PIP4K2A: variants seen among roughly 807,000 people sequenced by gnomAD.
PIP4K2A encodes phosphatidylinositol-5-phosphate 4-kinase type 2 alpha.
Under a neutral mutation model 42.9 loss-of-function variants are expected in PIP4K2A, and 14 were observed. That is an observed-to-expected ratio of 0.33 (90% CI 0.22 to 0.51). The LOEUF is 0.51. PIP4K2A is among the 20% of genes least tolerant of loss of function. The probability of loss-of-function intolerance (pLI) is 0.97; values close to 1 mark genes in which losing one functional copy is unlikely to be tolerated. For missense variants in PIP4K2A, 434 were observed against 519.8 expected, an observed-to-expected ratio of 0.83 and a Z score of 1.61; for synonymous variants, 192 against 192.2, an observed-to-expected ratio of 1.00 and a Z score of 0.01.
In PIP4K2A at chr10:22,541,994, A is replaced by T; in HGVS notation, c.846T>A (p.Asp282Glu). ...MDYSLLVGIH[D>E]VERAEQEEVE... is the part of the protein sequence containing the mutation. The stretch of plus-strand genomic sequence containing the variant: ...CTTCCTCCTGTTCGGCTCTCTCCAC[A>T]TCATGAATTCCCACCAGCAGACTGT... Residue 282 changes from aspartate (D) to glutamate (E), a missense_variant, in exon 8 of 10, where the codon GAT becomes GAA. By Grantham distance (45) the Asp-to-Glu change is conservative. Around this residue, in one of 2 missense-constraint regions of PIP4K2A, gnomAD observed 395 missense variants for 444.5 expected, o/e 0.89. Coordinates refer to ENST00000376573, the MANE Select transcript of PIP4K2A (RefSeq NM_005028.5). 1.2e-6 allele frequency: 2 copies of T among 1,613,818 alleles called. No individual in the cohort carries two copies. The highest frequency in any genetic ancestry group is 1.7e-6 in the Non-Finnish European group (2 of 1,179,884).
At chr10:22,712,362 G>C (rs1206235122) in intron 1 of PIP4K2A, among the ~76,000 whole-genome samples, 1 of 151,746 alleles carries the variant, frequency 6.6e-6, no homozygotes, top group Non-Finnish European at 1.5e-5. Context: ...ACTCTTTTTC[G>C]GCAGCATATT....
chr10:22,686,929 A>C (rs906657547), intron 1 of PIP4K2A, among the ~76,000 whole-genome samples: 3 of 152,158 alleles, frequency 2.0e-5, no homozygotes, highest in African/African-American at 7.2e-5. Context: ...CTGTTATGAG[A>C]GGTATTCCGC....
At chr10:22,685,500 G>A (rs1186365697) in intron 1 of PIP4K2A, among the ~76,000 whole-genome samples, 1 of 151,844 alleles carries the variant, frequency 6.6e-6, no homozygotes, top group African/African-American at 2.4e-5. Context: ...TTCAAGACAG[G>A]CCTGATCAAC....
chr10:22,655,447 C>G (rs1432148952), intron 1 of PIP4K2A, among the ~76,000 whole-genome samples: 3 of 152,206 alleles, frequency 2.0e-5, no homozygotes, highest in Non-Finnish European at 2.9e-5. Flanking sequence ...CCTGACGCCC[C>G]ATATTTCAAA....
chr10:22,681,996 CA>C (rs990284520), intron 1 of PIP4K2A, among the ~76,000 whole-genome samples: 82 of 152,000 alleles, frequency 5.4e-4, no homozygotes, highest in African/African-American at 1.6e-3. Context: ...TTTAGAAAAC[CA>C]TTTTTTTTTT....
chr10:22,708,096 C>A (rs79706808), intron 1 of PIP4K2A, among the ~76,000 whole-genome samples: 1 of 152,106 alleles, frequency 6.6e-6, no homozygotes, highest in Non-Finnish European at 1.5e-5. Flanking sequence ...AACGAAGAGA[C>A]GGATTCAAGG....
chr10:22,625,729 C>G (rs1295101196), intron 1 of PIP4K2A, among the ~76,000 whole-genome samples: 1 of 152,166 alleles, frequency 6.6e-6, no homozygotes, highest in Non-Finnish European at 1.5e-5. Context: ...CTCAGGCTGG[C>G]CAGAGGCAGG....
At chr10:22,594,539 GCATGTGC>G (rs1377889285) in intron 3 of PIP4K2A, among the ~76,000 whole-genome samples, 1 of 152,202 alleles carries the variant, frequency 6.6e-6, no homozygotes. Context: ...GGGATTATAG[GCATGTGC>G]CACCATGCCC....
intron 3 of PIP4K2A, among the ~76,000 whole-genome samples, chr10:22,596,990 C>T (rs887409742): frequency 1.3e-5 from 2 of 152,206 alleles, no homozygotes; most frequent in Non-Finnish European, 1.5e-5. Context: ...GAGTGTGAGC[C>T]AGCTGGCACA....
At chr10:22,577,669 G>A (rs187712166) in intron 4 of PIP4K2A, among the ~76,000 whole-genome samples, 229 of 152,220 alleles carry the variant, frequency 1.5e-3, no homozygotes, top group African/African-American at 5.0e-3. Flanking sequence ...GTGCTTGCAC[G>A]GTGGATCCCC....
intron 6 of PIP4K2A, among the ~76,000 whole-genome samples, chr10:22,566,365 A>C (rs942811030): frequency 6.6e-5 from 10 of 152,100 alleles, no homozygotes; most frequent in African/African-American, 2.2e-4. Context: ...TGACATTTCA[A>C]ACTCCTCCTC....
At chr10:22,675,958 T>C (rs190719704) in intron 1 of PIP4K2A, among the ~76,000 whole-genome samples, 5 of 152,344 alleles carry the variant, frequency 3.3e-5, no homozygotes, top group Admixed American at 3.3e-4. Context: ...GTGGCTAGTA[T>C]TTCTCAACAA....
intron 5 of PIP4K2A, among the ~76,000 whole-genome samples, chr10:22,570,625 A>T (rs971853401): frequency 6.6e-6 from 1 of 152,238 alleles, no homozygotes; most frequent in Admixed American, 6.5e-5. Flanking sequence ...CACTTAGACT[A>T]GCATTTCTCT....
rs143347091 is a variant in PIP4K2A at position 22,614,456 on chromosome 10, G to T, written c.145-4739C>A. Among the ~76,000 whole-genome samples the T allele has an allele frequency of 3.3e-3, 508 of 152,220 alleles. 4 individuals carry two copies. Among genetic ancestry groups the T allele is most frequent in the African/African-American group, 0.012 (493 of 41,518 alleles). On this transcript the variant is annotated intron_variant, in intron 1 of 9. Transcript: ENST00000376573. ...GGCTACTTTATCTTTCTTCCAGGTG[G>T]CCTTTCATTCTTTACATTTGCATCA...
intron 1 of PIP4K2A, among the ~76,000 whole-genome samples, chr10:22,611,118 G>C (rs960579633): frequency 3.3e-5 from 5 of 152,218 alleles, no homozygotes; most frequent in African/African-American, 1.2e-4. Context: ...GTTGGGCACA[G>C]CAGCTCATAT....
intron 1 of PIP4K2A, among the ~76,000 whole-genome samples, chr10:22,644,454 T>C (rs1413014369): frequency 2.6e-5 from 4 of 152,196 alleles, no homozygotes; most frequent in African/African-American, 4.8e-5. Flanking sequence ...TTCACATCCC[T>C]GCCCAACTCC....
chr10:22,584,925 T>C (rs186141755), intron 4 of PIP4K2A, among the ~76,000 whole-genome samples: 91 of 152,272 alleles, frequency 6.0e-4, no homozygotes, highest in African/African-American at 2.0e-3. Context: ...GAATGTTCTG[T>C]TGTTCCAGAA....
At chr10:22,676,874 G>C (rs1839569889) in intron 1 of PIP4K2A, among the ~76,000 whole-genome samples, 1 of 152,174 alleles carries the variant, frequency 6.6e-6, no homozygotes, top group South Asian at 2.1e-4. Flanking sequence ...GCTTAGCTCA[G>C]AGGGATGGCA....
In PIP4K2A at chr10:22,627,591, T is replaced by TAAAAAAAA. The variant is rs57671642; in HGVS notation, c.145-17882_145-17875dup. Among the ~76,000 whole-genome samples, 112 of 57,022 alleles carry TAAAAAAAA rather than the reference T, an allele frequency of 2.0e-3. 12 individuals are homozygous for TAAAAAAAA. The highest frequency in any genetic ancestry group is 5.8e-3 in the East Asian group (6 of 1,042). 37.4% of individuals were successfully genotyped at this position (57,022 alleles called of 152,430 possible). On this transcript the variant is annotated intron_variant, in intron 1 of 9. Coordinates refer to ENST00000376573, the MANE Select transcript of PIP4K2A (RefSeq NM_005028.5). ...TGTTTAACCAAAAGCTAATATGTAA[T>TAAAAAAAA]AAAAAAAAAAAAAAAAAAAAAAAAA...
Sources: allele counts gnomAD v4.1 joint callset (sites outside exome capture counted in the v4.1 genomes callset), GRCh38; gene constraint gnomAD v4.1.1; regional missense constraint gnomAD v4.1.1; transcripts MANE v1.5; gene names NCBI Gene and HGNC (gene_info 2026-07-23, HGNC 2026-07-21).